The following VN1R1 variants were observed in gnomAD, a reference collection of about 807,000 sequenced individuals.
VN1R1 encodes the protein vomeronasal 1 receptor 1, also known as vomeronasal type-1 receptor 1.
For synonymous variants in VN1R1, 168 were observed against 149.8 expected, an observed-to-expected ratio of 1.12 and a Z score of -0.89; for missense variants, 391 against 410.3, an observed-to-expected ratio of 0.95 and a Z score of 0.41.
In VN1R1 at chr19:57,454,919, C is replaced by G. The variant is rs1049232319; in HGVS notation, c.*506G>C. The G allele has an allele frequency of 6.5e-6, 1 of 153,232 alleles. No homozygotes were observed. The highest frequency in any genetic ancestry group is 2.4e-5 in the African/African-American group (1 of 41,404). 9.5% of individuals were successfully genotyped at this position (153,232 alleles called of 1,614,324 possible). A position where few individuals can be genotyped will look rare whatever the true frequency, so the allele number is the denominator to read the frequency against. On this transcript the variant is annotated 3_prime_UTR_variant, in exon 1 of 1. Transcript: ENST00000321039. Reference sequence around the variant, plus strand: ...TGAGACAGGGTTTTTGCCATGTTGGCCAGGCTGGTCTCGAACTCCTGGCCT... The same window carrying G: ...TGAGACAGGGTTTTTGCCATGTTGGGCAGGCTGGTCTCGAACTCCTGGCCT...
In VN1R1 at chr19:57,455,924, A is replaced by G. The variant is rs748496237; in HGVS notation, c.563T>C (p.Leu188Pro). ...PHVLMNASVL[L>P]LVNGPLNSKN... ...GCTATTCAGTGGGCCATTCACTAAT[A>G]GAAGAACAGATGCATTCATCAAGAC... The change falls in exon 1 of 1, where the codon CTA becomes CCA. Residue 188 changes from leucine (L) to proline (P), a missense_variant. Leu to Pro is a moderately conservative substitution (Grantham distance 98). Transcript: ENST00000321039. The G allele has an allele frequency of 1.4e-5, 22 of 1,614,104 alleles. No individual in the cohort carries two copies. The highest frequency in any genetic ancestry group is 2.7e-5 in the African/African-American group (2 of 74,934).
At position 57,456,227 on chromosome 19, in the gene VN1R1, A is replaced by G; in HGVS notation, c.260T>C (p.Leu87Pro). The change falls in exon 1 of 1, where the codon CTC becomes CCC. Residue 87 changes from leucine (L) to proline (P), a missense_variant. Physicochemically the swap from Leu to Pro is moderately conservative, Grantham distance 98. Coordinates refer to ENST00000321039, the MANE Select transcript of VN1R1 (RefSeq NM_020633.4). The part of the protein sequence containing the change: ...GHKLRPTDLI[L>P]SQLALANSMV... ...GGAGTTAGCCAAGGCCAGTTGGCTG[A>G]GAATCAAGTCCGTGGGTCTCAGCTT... The G allele has an allele frequency of 1.2e-6, 2 of 1,614,236 alleles. No individual in the cohort carries two copies. Among genetic ancestry groups the G allele is most frequent in the African/African-American group, 2.7e-5 (2 of 75,064 alleles).
At position 57,456,153 on chromosome 19, in the gene VN1R1, A is replaced by G. The variant is rs2089130824; in HGVS notation, c.334T>C (p.Leu112=). 1.2e-6 allele frequency: 2 copies of G among 1,614,108 alleles called. No homozygotes were observed. The highest frequency in any genetic ancestry group is 1.3e-5 in the African/African-American group (1 of 74,940). ...CCAGTGTCATTCAGCAAATATTTCA[A>G]TCCAAAAGCTGCCATTGTCTGAGGT... is the stretch of plus-strand genomic sequence containing the variant. ...GIPQTMAAFG[L]KYLLNDTGCK... Residue 112 remains leucine, a synonymous_variant, in exon 1 of 1, where the codon TTG becomes CTG. Transcript: ENST00000321039.
At position 57,456,372 on chromosome 19, in the gene VN1R1, C is replaced by T. The variant is rs775241051; in HGVS notation, c.115G>A (p.Asp39Asn). 6.2e-7 allele frequency: 1 copy of T among 1,613,862 alleles called. No individual in the cohort carries two copies. Among genetic ancestry groups the T allele is most frequent in the Non-Finnish European group, 8.5e-7 (1 of 1,179,760 alleles). Reference sequence around the variant, plus strand: ...TTTACTTTTCCAAAAGCCATTTCATCAAAATCTAGGGGATGTTGATTTTCA... The same window carrying T: ...TTTACTTTTCCAAAAGCCATTTCATTAAAATCTAGGGGATGTTGATTTTCA... ...LNENQHPLDF[D>N]EMAFGKVKSG... is the part of the protein sequence containing the mutation. The change falls in exon 1 of 1, where the codon GAT becomes AAT. Residue 39 changes from aspartate (D) to asparagine (N), a missense_variant. Coordinates refer to ENST00000321039, the MANE Select transcript of VN1R1 (RefSeq NM_020633.4).
rs376448405 is a variant in VN1R1, at chr19:57,456,289, G to A, written c.198C>T (p.Leu66=). 5.6e-6 allele frequency: 9 copies of A among 1,613,104 alleles called. No homozygotes were observed. In the African/African-American group the frequency reaches 1.2e-4, roughly 22 times the overall value. ...ACAAAATTAAGTTATAAAAACAAAG[G>A]AGAAAGGAATTTCCCAGGATCCCAA... ...TGVGILGNSF[L]LCFYNLILFT... is the part of the protein sequence containing the mutation. Residue 66 remains leucine, a synonymous_variant, in exon 1 of 1, where the codon CTC becomes CTT. Coordinates refer to ENST00000321039, the MANE Select transcript of VN1R1 (RefSeq NM_020633.4).
chr19:57,455,768 C>T lies in VN1R1; in HGVS notation c.719G>A (p.Gly240Asp), dbSNP rs1384028269. ...TCTGTAGAGGAAGAAGACCATGGAG[C>T]CACTGGCCCAGACCATGAAGCCCAA... ...MSLGFMVWAS[G>D]SMVFFLYRHK... is the part of the protein sequence containing the mutation. The change falls in exon 1 of 1, where the codon GGC becomes GAC. Residue 240 changes from glycine to aspartate, a missense_variant. Physicochemically the swap from Gly to Asp is moderately conservative, Grantham distance 94 (BLOSUM62 -1). Coordinates refer to ENST00000321039, the MANE Select transcript of VN1R1 (RefSeq NM_020633.4). The T allele has an allele frequency of 6.2e-6, 10 of 1,613,794 alleles. No homozygotes were observed. The highest frequency in any genetic ancestry group is 7.6e-6 in the Non-Finnish European group (9 of 1,179,886).
Position 57,456,453 on chromosome 19 carries a change from G to T in VN1R1, c.34C>A (p.Leu12Met). 1 of 1,589,886 alleles carries T rather than the reference G, an allele frequency of 6.3e-7. No individual in the cohort carries two copies. The highest frequency in any genetic ancestry group is 2.3e-5 in the East Asian group (1 of 44,430). ...AGCAGAAAGAAGTATCTTGTCATCA[G>T]TGGAGACAGAAGTTTTAATGTGTCT... is the stretch of plus-strand genomic sequence containing the variant. ...VGDTLKLLSP[L>M]MTRYFFLLFY... The change falls in exon 1 of 1, where the codon CTG (leucine) becomes ATG (methionine). Residue 12 changes from leucine (L) to methionine (M), a missense_variant. Leu to Met is a conservative substitution (Grantham distance 15). Transcript: ENST00000321039.
At position 57,455,529 on chromosome 19, in the gene VN1R1, G is replaced by A. The variant is rs765556475; in HGVS notation, c.958C>T (p.Arg320Cys). ...CTCATGATGAGGACAAAAGGGCTGC[G>A]TGCTGGGAAACATGAGGCGACCAAC... is the stretch of plus-strand genomic sequence containing the variant. ...SVLVASCFPA[R>C]SPFVLIMSDT... Residue 320 changes from arginine (R) to cysteine (C), a missense_variant, in exon 1 of 1, where the codon CGC (arginine) becomes TGC (cysteine). Physicochemically the swap from Arg to Cys is radical, Grantham distance 180. Transcript: ENST00000321039. The A allele has an allele frequency of 8.7e-6, 14 of 1,614,178 alleles. No homozygotes were observed. The highest frequency in any genetic ancestry group is 8.3e-5 in the Admixed American group (5 of 60,026).
Position 57,455,650 on chromosome 19 carries a change from C to T in VN1R1, c.837G>A (p.Val279=). ...ARATHTIMVL[V]SSFFVFYSVH... ...CTGAATAGAAAACAAAAAAGGAGCT[C>T]ACCAGGACCATGATGGTGTGTGTGG... Residue 279 remains valine, a synonymous_variant, in exon 1 of 1, where the codon GTG becomes GTA. Coordinates refer to ENST00000321039, the MANE Select transcript of VN1R1 (RefSeq NM_020633.4). 1 of 1,614,114 alleles carries T rather than the reference C, an allele frequency of 6.2e-7. No individual in the cohort carries two copies.
rs781514672 is a variant in VN1R1, at chr19:57,456,177, G to A, written c.310C>T (p.Pro104Ser). 1.2e-6 allele frequency: 2 copies of A among 1,614,188 alleles called. No individual in the cohort carries two copies. Among genetic ancestry groups the A allele is most frequent in the Admixed American group, 3.3e-5 (2 of 60,014 alleles). The change falls in exon 1 of 1, where the codon CCT becomes TCT. Residue 104 changes from proline to serine, a missense_variant. Physicochemically the swap from Pro to Ser is moderately conservative, Grantham distance 74 (BLOSUM62 -1). Coordinates refer to ENST00000321039, the MANE Select transcript of VN1R1 (RefSeq NM_020633.4). Reference sequence around the variant, plus strand: ...AATCCAAAAGCTGCCATTGTCTGAGGTATCCCTTTAAAGAAAAGGACCATG... The same window carrying A: ...AATCCAAAAGCTGCCATTGTCTGAGATATCCCTTTAAAGAAAAGGACCATG... ...NSMVLFFKGI[P>S]QTMAAFGLKY...
Position 57,456,226 on chromosome 19 carries a change from G to A in VN1R1, c.261C>T (p.Leu87=), listed in dbSNP as rs2089131289. Residue 87 remains leucine, a synonymous_variant, in exon 1 of 1, where the codon CTC becomes CTT. Transcript: ENST00000321039. ...TGGAGTTAGCCAAGGCCAGTTGGCT[G>A]AGAATCAAGTCCGTGGGTCTCAGCT... is the stretch of plus-strand genomic sequence containing the variant. ...GHKLRPTDLI[L]SQLALANSMV... is the part of the protein sequence containing the mutation. The A allele has an allele frequency of 6.2e-7, 1 of 1,614,120 alleles. No individual in the cohort carries two copies. Among genetic ancestry groups the A allele is most frequent in the African/African-American group, 1.3e-5 (1 of 74,938 alleles).
chr19:57,455,444 T>G lies in VN1R1; in HGVS notation c.1043A>C (p.Asn348Thr). The change falls in exon 1 of 1, where the codon AAT becomes ACT. Residue 348 changes from asparagine (N) to threonine (T), a missense_variant. By Grantham distance (65) the Asn-to-Thr change is moderately conservative. Coordinates refer to ENST00000321039, the MANE Select transcript of VN1R1 (RefSeq NM_020633.4). ...AAAGACTCATGGCATGACAACCAGA[T>G]TAGGAAAGAGTGTTTTCCTTGTCCT... Reference protein sequence around the residue: ...ACRTRKTLFPNLVVMP With the variant: ...ACRTRKTLFPTLVVMP The G allele has an allele frequency of 6.2e-7, 1 of 1,613,386 alleles. No individual in the cohort carries two copies. The highest frequency in any genetic ancestry group is 1.7e-5 in the Admixed American group (1 of 59,932).
chr19:57,456,094 G>A lies in VN1R1; in HGVS notation c.393C>T (p.Gly131=). The A allele has an allele frequency of 6.2e-7, 1 of 1,614,112 alleles. No homozygotes were observed. The change falls in exon 1 of 1, where the codon GGC becomes GGT. Residue 131 remains glycine, a synonymous_variant. Transcript: ENST00000321039. ...AGATGGTGCTGAGGGAAACTCTTGTGCCCACCCTGTGATAATAAAAGACAA... is the reference window on the plus strand; with the variant it reads ...AGATGGTGCTGAGGGAAACTCTTGTACCCACCCTGTGATAATAAAAGACAA... ...CKFVFYYHRV[G]TRVSLSTICL...
In VN1R1 at chr19:57,455,733, G is replaced by T; in HGVS notation, c.754C>A (p.Gln252Lys). The T allele has an allele frequency of 6.2e-7, 1 of 1,614,200 alleles. No homozygotes were observed. Among genetic ancestry groups the T allele is most frequent in the Non-Finnish European group, 8.5e-7 (1 of 1,180,020 alleles). ...CTGTTGCTGTGATTGTGTTGGACTT[G>T]CTGCTTGTGTCTGTAGAGGAAGAAG... ...MVFFLYRHKQQVQHNHSNRLS... is the reference protein window; with the variant it reads ...MVFFLYRHKQKVQHNHSNRLS... The change falls in exon 1 of 1, where the codon CAA becomes AAA. Residue 252 changes from glutamine (Q) to lysine (K), a missense_variant. Gln to Lys is a moderately conservative substitution (Grantham distance 53, BLOSUM62 1). Coordinates refer to ENST00000321039, the MANE Select transcript of VN1R1 (RefSeq NM_020633.4).
In VN1R1 at chr19:57,456,327, T is replaced by C; in HGVS notation, c.160A>G (p.Ile54Val). The C allele has an allele frequency of 1.2e-6, 2 of 1,613,904 alleles. No homozygotes were observed. Among genetic ancestry groups the C allele is most frequent in the Non-Finnish European group, 1.7e-6 (2 of 1,179,824 alleles). The stretch of plus-strand genomic sequence containing the variant: ...CCCAGGATCCCAACTCCAGTCTGAA[T>C]GAGGAAGCTAATCCCTGATTTTACT... ...GKVKSGISFL[I>V]QTGVGILGNS... is the part of the protein sequence containing the mutation. Residue 54 changes from isoleucine to valine, a missense_variant, in exon 1 of 1, where the codon ATT (isoleucine) becomes GTT (valine). Ile to Val is a conservative substitution (Grantham distance 29, BLOSUM62 3). Transcript: ENST00000321039.
At position 57,456,051 on chromosome 19, in the gene VN1R1, G is replaced by C; in HGVS notation, c.436C>G (p.Gln146Glu). ...ATACTGGGGTTGAGCTTAATGGCTT[G>C]GAATCCATTGAGAAGGCAGATGGTG... ...LSTICLLNGF[Q>E]AIKLNPSICR... The change falls in exon 1 of 1, where the codon CAA (glutamine) becomes GAA (glutamate). Residue 146 changes from glutamine (Q) to glutamate (E), a missense_variant. Transcript: ENST00000321039. 1 of 1,614,114 alleles carries C rather than the reference G, an allele frequency of 6.2e-7. No homozygotes were observed. Among genetic ancestry groups the C allele is most frequent in the Non-Finnish European group, 8.5e-7 (1 of 1,180,024 alleles).
rs1168034686 is a variant in VN1R1 at position 57,455,233 on chromosome 19, AAC to A, written c.*190_*191del. On this transcript the variant is annotated 3_prime_UTR_variant, in exon 1 of 1. Transcript: ENST00000321039. The stretch of plus-strand genomic sequence containing the variant: ...TTTCCTGAACTTGTCTGAAGGACTT[AAC>A]ACAGTTATATAGAGTGTTCTTTGTG... 2.2e-5 allele frequency: 12 copies of A among 545,274 alleles called. No homozygotes were observed. Among genetic ancestry groups the A allele is most frequent in the South Asian group, 1.2e-4 (4 of 33,550 alleles). 33.8% of individuals were successfully genotyped at this position (545,274 alleles called of 1,614,324 possible).
chr19:57,456,326 A>G lies in VN1R1; in HGVS notation c.161T>C (p.Ile54Thr). The G allele has an allele frequency of 6.2e-7, 1 of 1,613,968 alleles. No homozygotes were observed. ...TCCCAGGATCCCAACTCCAGTCTGA[A>G]TGAGGAAGCTAATCCCTGATTTTAC... ...GKVKSGISFL[I>T]QTGVGILGNS... The change falls in exon 1 of 1, where the codon ATT becomes ACT. Residue 54 changes from isoleucine to threonine, a missense_variant. Ile to Thr is a moderately conservative substitution (Grantham distance 89). Coordinates refer to ENST00000321039, the MANE Select transcript of VN1R1 (RefSeq NM_020633.4).
At position 57,455,618 on chromosome 19, in the gene VN1R1, C is replaced by G; in HGVS notation, c.869G>C (p.Ser290Thr). 1 of 1,614,150 alleles carries G rather than the reference C, an allele frequency of 6.2e-7. No homozygotes were observed. The highest frequency in any genetic ancestry group is 8.5e-7 in the Non-Finnish European group (1 of 1,180,036). The part of the protein sequence containing the change: ...SSFFVFYSVH[S>T]FLTIWTTVVA... ...TACAGTTGTCCAAATTGTCAGAAAA[C>G]TATGGACTGAATAGAAAACAAAAAA... The change falls in exon 1 of 1, where the codon AGT becomes ACT. Residue 290 changes from serine to threonine, a missense_variant. By Grantham distance (58) the Ser-to-Thr change is moderately conservative. Coordinates refer to ENST00000321039, the MANE Select transcript of VN1R1 (RefSeq NM_020633.4).
Sources: allele counts gnomAD v4.1 joint callset, GRCh38; gene constraint gnomAD v4.1.1; transcripts MANE v1.5; gene names NCBI Gene and HGNC (gene_info 2026-07-23, HGNC 2026-07-21).